The following CCDC6 variants were observed in gnomAD, a reference collection of about 807,000 sequenced individuals.
CCDC6 encodes coiled-coil domain-containing protein 6.
CCDC6 carries 20 observed loss-of-function variants against 56.6 expected under a neutral mutation model. The observed-to-expected ratio is 0.35, with a 90% confidence interval of 0.25 to 0.51. CCDC6 has a LOEUF of 0.51. CCDC6 is among the 20% of genes least tolerant of loss of function. The pLI is 0.95. For missense variants in CCDC6, 367 were observed against 601.1 expected (o/e 0.61, Z 4.07); for synonymous variants, 241 against 234.4 (o/e 1.03, Z -0.26).
intron 1 of CCDC6, among the ~76,000 whole-genome samples, chr10:59,860,100 A>G (rs1329340375): frequency 6.6e-6 from 1 of 152,068 alleles, no homozygotes; most frequent in East Asian, 1.9e-4. Flanking sequence ...GTAAAATAAA[A>G]TACCTCAAGC....
chr10:59,841,812 C>A (rs533000705), intron 2 of CCDC6, among the ~76,000 whole-genome samples: 9 of 151,586 alleles, frequency 5.9e-5, no homozygotes, highest in South Asian at 2.1e-4. Flanking sequence ...GGACTACGGG[C>A]GCCTACAACC....
At chr10:59,800,684 T>C (rs1258871956) in intron 7 of CCDC6, among the ~76,000 whole-genome samples, 1 of 151,720 alleles carries the variant, frequency 6.6e-6, no homozygotes. Flanking sequence ...TTGGAAATCA[T>C]GTACTATTGA....
chr10:59,789,363 C>G lies in CCDC6; in HGVS notation c.*3554G>C. 1 of 230,102 alleles carries G rather than the reference C, an allele frequency of 4.3e-6. No homozygotes were observed. Among genetic ancestry groups the G allele is most frequent in the Non-Finnish European group, 8.6e-6 (1 of 116,290 alleles). The allele number at this position is 230,102 out of a possible 1,614,324, so 14.3% of individuals were successfully genotyped here. A position where few individuals can be genotyped will look rare whatever the true frequency, so the allele number is the denominator to read the frequency against. On this transcript the variant is annotated 3_prime_UTR_variant, in exon 9 of 9. Coordinates refer to ENST00000263102, the MANE Select transcript of CCDC6 (RefSeq NM_005436.5). ...AGGCAACCTGGGCTTGGCAGTTAAT[C>G]AGAACTGCTGAGCATTCCAGAAAAT...
At chr10:59,840,553 C>A (rs551620063) in intron 2 of CCDC6, among the ~76,000 whole-genome samples, 1 of 152,282 alleles carries the variant, frequency 6.6e-6, no homozygotes, top group African/African-American at 2.4e-5. Context: ...AAAACACTCC[C>A]AAATTTATAT....
At chr10:59,889,317 T>C (rs1186931199) in intron 1 of CCDC6, among the ~76,000 whole-genome samples, 2 of 152,166 alleles carry the variant, frequency 1.3e-5, no homozygotes, top group South Asian at 2.1e-4. Context: ...GGAAGATGGA[T>C]AGGAAAGACC....
chr10:59,835,489 T>C (rs1053097921), intron 2 of CCDC6, among the ~76,000 whole-genome samples: 1 of 152,172 alleles, frequency 6.6e-6, no homozygotes, highest in Admixed American at 6.5e-5. Flanking sequence ...TAAGGAAAAT[T>C]TGATGGTAAA....
At position 59,791,355 on chromosome 10, in the gene CCDC6, C is replaced by T. The variant is rs575815239; in HGVS notation, c.*1562G>A. On this transcript the variant is annotated 3_prime_UTR_variant, in exon 9 of 9. Transcript: ENST00000263102. ...ACGCTAGTCAAACACTATTATCCAA[C>T]AAGACTTTTTTTTTTCATTCTGTTA... 5.0e-6 allele frequency: 1 copy of T among 198,650 alleles called. No individual in the cohort carries two copies. Among genetic ancestry groups the T allele is most frequent in the Non-Finnish European group, 1.0e-5 (1 of 96,516 alleles). The allele number at this position is 198,650 out of a possible 1,614,324, so 12.3% of individuals were successfully genotyped here. A position where few individuals can be genotyped will look rare whatever the true frequency, so the allele number is the denominator to read the frequency against.
chr10:59,856,057 C>T (rs1382027701), intron 1 of CCDC6, among the ~76,000 whole-genome samples: 1 of 152,220 alleles, frequency 6.6e-6, no homozygotes, highest in African/African-American at 2.4e-5. Flanking sequence ...TGTTCTGGTG[C>T]AGCCTGTTAA....
At chr10:59,870,553 T>G (rs1468196056) in intron 1 of CCDC6, among the ~76,000 whole-genome samples, 1 of 148,216 alleles carries the variant, frequency 6.7e-6, no homozygotes, top group African/African-American at 2.5e-5. Context: ...ACTTTCTTCA[T>G]CCTCTTTTTG....
At chr10:59,880,049 A>G (rs1192106140) in intron 1 of CCDC6, among the ~76,000 whole-genome samples, 3 of 152,206 alleles carry the variant, frequency 2.0e-5, no homozygotes, top group Non-Finnish European at 4.4e-5. Context: ...CTACATCTAT[A>G]AGAGAAAATG....
intron 1 of CCDC6, among the ~76,000 whole-genome samples, chr10:59,884,530 A>G (rs949741923): frequency 2.0e-5 from 3 of 152,192 alleles, no homozygotes; most frequent in African/African-American, 7.2e-5. Flanking sequence ...AACAATCAAC[A>G]GAGGAAGAGT....
intron 1 of CCDC6, among the ~76,000 whole-genome samples, chr10:59,893,996 T>A (rs1197384414): frequency 6.6e-6 from 1 of 152,146 alleles, no homozygotes; most frequent in African/African-American, 2.4e-5. Flanking sequence ...AGGGTTGTCC[T>A]GAGGAGTCAA....
chr10:59,895,049 C>A (rs1171691316), intron 1 of CCDC6, among the ~76,000 whole-genome samples: 1 of 152,126 alleles, frequency 6.6e-6, no homozygotes, highest in East Asian at 1.9e-4. Flanking sequence ...TGCCTGTAAT[C>A]CCAGGACTTT....
chr10:59,906,381 C>A lies in CCDC6; in HGVS notation c.44G>T (p.Gly15Val). 2 of 1,586,990 alleles carry A rather than the reference C, an allele frequency of 1.3e-6. No individual in the cohort carries two copies. Among genetic ancestry groups the A allele is most frequent in the Non-Finnish European group, 8.5e-7 (1 of 1,174,900 alleles). ...CATGGCGGCCGAGCTGCTGCTGTTG[C>A]CCCCCGCCCCGTCCGTGTCGCTCTC... ...ASESDTDGAGGNSSSSAAMQS... is the reference protein window; with the variant it reads ...ASESDTDGAGVNSSSSAAMQS... Residue 15 changes from glycine to valine, a missense_variant, in exon 1 of 9, where the codon GGC becomes GTC. Physicochemically the swap from Gly to Val is moderately radical, Grantham distance 109. Around this residue, in one of 7 missense-constraint regions of CCDC6, gnomAD observed 79 missense variants for 74.9 expected, o/e 1.05. Coordinates refer to ENST00000263102, the MANE Select transcript of CCDC6 (RefSeq NM_005436.5).
In CCDC6 at chr10:59,792,924, T is replaced by G; in HGVS notation, c.1418A>C (p.Gln473Pro). ...TCAGACTAAGCTCATGCATTAAGGCTGGGAGGAGGGGTGCGCCGAATGTTG... is the reference window on the plus strand; with the variant it reads ...TCAGACTAAGCTCATGCATTAAGGCGGGGAGGAGGGGTGCGCCGAATGTTG... ...PSQHSAHPSS[Q>P]P The change falls in exon 9 of 9, where the codon CAG becomes CCG. Residue 473 changes from glutamine (Q) to proline (P), a missense_variant. Around this residue, in one of 7 missense-constraint regions of CCDC6, gnomAD observed 54 missense variants for 60.0 expected, o/e 0.90. Coordinates refer to ENST00000263102, the MANE Select transcript of CCDC6 (RefSeq NM_005436.5). 6.2e-7 allele frequency: 1 copy of G among 1,609,898 alleles called. No individual in the cohort carries two copies. The highest frequency in any genetic ancestry group is 8.5e-7 in the Non-Finnish European group (1 of 1,177,718).
chr10:59,810,581 C>A (rs2070664303), intron 5 of CCDC6, among the ~76,000 whole-genome samples: 1 of 152,156 alleles, frequency 6.6e-6, no homozygotes, highest in East Asian at 1.9e-4. Flanking sequence ...ACTCAAAAAT[C>A]TTAAAATAAC....
intron 1 of CCDC6, among the ~76,000 whole-genome samples, chr10:59,874,099 C>T (rs1203725612): frequency 7.0e-6 from 1 of 143,642 alleles, no homozygotes; most frequent in Non-Finnish European, 1.5e-5. Flanking sequence ...CATTCATTTC[C>T]TTACACATTT....
intron 1 of CCDC6, among the ~76,000 whole-genome samples, chr10:59,882,831 G>A (rs1423438040): frequency 6.6e-6 from 1 of 152,014 alleles, no homozygotes; most frequent in African/African-American, 2.4e-5. Context: ...GTGGTGGCGC[G>A]CACCTGTAAT....
At chr10:59,884,016 G>A (rs1229562599) in intron 1 of CCDC6, among the ~76,000 whole-genome samples, 1 of 152,046 alleles carries the variant, frequency 6.6e-6, no homozygotes, top group African/African-American at 2.4e-5. Flanking sequence ...GTCTTTAATG[G>A]GCTCCAAAAA....
Sources: allele counts gnomAD v4.1 joint callset (sites outside exome capture counted in the v4.1 genomes callset), GRCh38; gene constraint gnomAD v4.1.1; regional missense constraint gnomAD v4.1.1; transcripts MANE v1.5; gene names NCBI Gene and HGNC (gene_info 2026-07-23, HGNC 2026-07-21).